Variants in TMEM63A observed in about 807,000 individuals in gnomAD.
TMEM63A encodes mechanosensitive cation channel TMEM63A.
A neutral mutation model predicts 100.6 loss-of-function variants in TMEM63A; 76 were observed. The ratio of observed to expected loss-of-function variants is 0.76; its 90% CI spans 0.63 to 0.91. The LOEUF is 0.91. Ranked by LOEUF, TMEM63A falls within the 40% of genes least tolerant of loss-of-function variation. TMEM63A has a pLI of 0.00. For missense variants in TMEM63A, 876 were observed against 1,008.8 expected, an observed-to-expected ratio of 0.87 and a Z score of 1.78; for synonymous variants, 401 against 401.1, an observed-to-expected ratio of 1.00 and a Z score of 0.00.
chr1:225,872,092 TA>T, intron 4 of TMEM63A, 39 bp from the exon 5 acceptor site: 1 of 1,466,896 alleles, frequency 6.8e-7, no homozygotes. Flanking sequence ...AGATAATTCT[TA>T]GAAAAAAAAA....
In TMEM63A at chr1:225,862,534, A is replaced by G. The variant is rs774943839; in HGVS notation, c.872T>C (p.Val291Ala). ...KSLTYYTNLQVKTGQRTLINP... is the reference protein window; with the variant it reads ...KSLTYYTNLQAKTGQRTLINP... ...GATGAGGGTCCGCTGGCCTGTCTTC[A>G]CCTGCAGGTTTGTGTAATAGGTCAG... The change falls in exon 12 of 25, where the codon GTG becomes GCG. Residue 291 changes from valine (V) to alanine (A), a missense_variant. Physicochemically the swap from Val to Ala is moderately conservative, Grantham distance 64. Transcript: ENST00000366835. This position sits in a 1 kb window ranked among gnomAD's most constrained non-coding sequence, Gnocchi z 5.1. The G allele has an allele frequency of 1.2e-6, 2 of 1,613,746 alleles. No homozygotes were observed. Among genetic ancestry groups the G allele is most frequent in the South Asian group, 2.2e-5 (2 of 91,068 alleles).
intron 20 of TMEM63A, 146 bp downstream of exon 20, chr1:225,852,518 C>A (rs1471221511): frequency 7.3e-6 from 5 of 689,590 alleles, no homozygotes; most frequent in Non-Finnish European, 1.0e-5. Flanking sequence ...AATCTGGTGT[C>A]ACGTGAGTCT....
In TMEM63A at chr1:225,865,798, G is replaced by C; in HGVS notation, c.746+99C>G. Reference sequence around the variant, plus strand: ...AGATCTCACCTGGATACCCAAGCGAGAGACAGAAGGCGCTCACCTAAGGTG... The same window carrying C: ...AGATCTCACCTGGATACCCAAGCGACAGACAGAAGGCGCTCACCTAAGGTG... On this transcript the variant is annotated intron_variant, in intron 10 of 24. Transcript: ENST00000366835. The surrounding 1 kb of genome is among the most constrained non-coding windows in gnomAD (Gnocchi z 4.6). The C allele has an allele frequency of 8.0e-7, 1 of 1,250,818 alleles. No homozygotes were observed. Among genetic ancestry groups the C allele is most frequent in the Non-Finnish European group, 1.1e-6 (1 of 877,138 alleles). The allele number at this position is 1,250,818 out of a possible 1,614,324, so 77.5% of individuals were successfully genotyped here.
chr1:225,867,024 G>T lies in TMEM63A; in HGVS notation c.566+88C>A. ...CTTCAGATACCAGCCGGCCCCCTTT[G>T]GAGTACCTCTGGCCTGCCCCGGGCT... is the stretch of plus-strand genomic sequence containing the variant. On this transcript the variant is annotated intron_variant, in intron 8 of 24. Transcript: ENST00000366835. The surrounding 1 kb of genome is among the most constrained non-coding windows in gnomAD (Gnocchi z 4.6). 3 of 1,399,260 alleles carry T rather than the reference G, an allele frequency of 2.1e-6. No homozygotes were observed. Among genetic ancestry groups the T allele is most frequent in the Non-Finnish European group, 3.0e-6 (3 of 985,234 alleles). The allele number at this position is 1,399,260 out of a possible 1,614,324, so 86.7% of individuals were successfully genotyped here.
chr1:225,865,767 C>G lies in TMEM63A; in HGVS notation c.746+130G>C. ...CATACACGTGTGGCAGGGCCAGGTC[C>G]TTCTCAGATCTCACCTGGATACCCA... On this transcript the variant is annotated intron_variant, in intron 10 of 24. Coordinates refer to ENST00000366835, the MANE Select transcript of TMEM63A (RefSeq NM_014698.3). This position sits in a 1 kb window ranked among gnomAD's most constrained non-coding sequence, Gnocchi z 4.6. 1.1e-6 allele frequency: 1 copy of G among 894,614 alleles called. No homozygotes were observed. The highest frequency in any genetic ancestry group is 1.7e-6 in the Non-Finnish European group (1 of 574,564). The allele number at this position is 894,614 out of a possible 1,614,324, so 55.4% of individuals were successfully genotyped here.
In TMEM63A at chr1:225,848,981, G is replaced by A; in HGVS notation, c.2103C>T (p.Phe701=). 1 of 1,484,350 alleles carries A rather than the reference G, an allele frequency of 6.7e-7. No individual in the cohort carries two copies. The highest frequency in any genetic ancestry group is 1.9e-5 in the Admixed American group (1 of 53,886). The allele number at this position is 1,484,350 out of a possible 1,614,324, so 91.9% of individuals were successfully genotyped here. A position where few individuals can be genotyped will look rare whatever the true frequency, so the allele number is the denominator to read the frequency against. ...CCAGGATGGTGAGCAGCAGCACCAGGAAGGTGAACAGAGTGGCGGGGGCCT... is the reference window on the plus strand; with the variant it reads ...CCAGGATGGTGAGCAGCAGCACCAGAAAGGTGAACAGAGTGGCGGGGGCCT... The part of the protein sequence containing the change: ...GMKAPATLFT[F]LVLLLTILVC... Residue 701 remains phenylalanine (F), a synonymous_variant, in exon 22 of 25, where the codon TTC becomes TTT. Transcript: ENST00000366835.
Position 225,846,905 on chromosome 1 carries a change from T to C in TMEM63A, c.*34A>G, listed in dbSNP as rs889837799. 5 of 1,140,836 alleles carry C rather than the reference T, an allele frequency of 4.4e-6. No homozygotes were observed. Among genetic ancestry groups the C allele is most frequent in the East Asian group, 5.3e-5 (2 of 37,866 alleles). 70.7% of individuals were successfully genotyped at this position (1,140,836 alleles called of 1,614,324 possible). On this transcript the variant is annotated 3_prime_UTR_variant, in exon 25 of 25. Coordinates refer to ENST00000366835, the MANE Select transcript of TMEM63A (RefSeq NM_014698.3). ...CAAGGGCCTGAGCCCCAGGCCATTCTGGTTGTGTCTTTTCAGAGCAGTGAG... is the reference window on the plus strand; with the variant it reads ...CAAGGGCCTGAGCCCCAGGCCATTCCGGTTGTGTCTTTTCAGAGCAGTGAG...
At position 225,862,436 on chromosome 1, in the gene TMEM63A, C is replaced by T. The variant is rs139018601; in HGVS notation, c.951+19G>A. 66 of 1,613,798 alleles carry T rather than the reference C, an allele frequency of 4.1e-5. No individual in the cohort carries two copies. In the East Asian group the frequency reaches 6.2e-4, roughly 15 times the overall value. ...CGATGCCAATGCCTCTGCTCCCAGC[C>T]GGGGGGTGGGACCCTTACCCACTCA... is the stretch of plus-strand genomic sequence containing the variant. On this transcript the variant is annotated intron_variant, in intron 12 of 24. Transcript: ENST00000366835. This position sits in a 1 kb window ranked among gnomAD's most constrained non-coding sequence, Gnocchi z 5.1.
chr1:225,882,130 C>T (rs1226532101), intron 1 of TMEM63A, among the ~76,000 whole-genome samples, 174 bp downstream of exon 1: 1 of 152,228 alleles, frequency 6.6e-6, no homozygotes, highest in African/African-American at 2.4e-5. Flanking sequence ...GGAATGGAGG[C>T]GCTGCCCGGA....
chr1:225,850,472 C>T (rs1669268621), intron 20 of TMEM63A, among the ~76,000 whole-genome samples: 1 of 152,142 alleles, frequency 6.6e-6, no homozygotes, highest in South Asian at 2.1e-4. Context: ...GGGAGTTTAC[C>T]TAAATAGCTT....
At chr1:225,851,188 G>A (rs1383128303) in intron 20 of TMEM63A, among the ~76,000 whole-genome samples, 1 of 152,030 alleles carries the variant, frequency 6.6e-6, no homozygotes, top group African/African-American at 2.4e-5. Flanking sequence ...TTCCCATGCT[G>A]AGCCCCTGTA....
At chr1:225,843,630 T>C (rs1184533086), downstream of TMEM63A, among the ~76,000 whole-genome samples, 1 of 152,154 alleles carries the variant, frequency 6.6e-6, no homozygotes, top group Non-Finnish European at 1.5e-5. Context: ...CTCCTGCAGC[T>C]CTGGCCCCGG....
chr1:225,879,884 G>A (rs1576123475), intron 1 of TMEM63A, among the ~76,000 whole-genome samples: 1 of 152,206 alleles, frequency 6.6e-6, no homozygotes, highest in East Asian at 1.9e-4. Flanking sequence ...ATGTGAAGTG[G>A]AAAGAAAAAA....
At position 225,857,379 on chromosome 1, in the gene TMEM63A, C is replaced by CGGGGGGG. The variant is rs369068747; in HGVS notation, c.1378-363_1378-362insCCCCCCC. 3.5e-5 allele frequency among the ~76,000 whole-genome samples: 4 copies of CGGGGGGG among 112,714 alleles called. 1 individual carries two copies. Among genetic ancestry groups the CGGGGGGG allele is most frequent in the African/African-American group, 1.8e-4 (4 of 22,774 alleles). 73.9% of individuals were successfully genotyped at this position (112,714 alleles called of 152,430 possible). On this transcript the variant is annotated intron_variant, in intron 15 of 24. Coordinates refer to ENST00000366835, the MANE Select transcript of TMEM63A (RefSeq NM_014698.3). ...ACCGAAGGCCTGGAGTCCTGGCCGGCGGGGCGGGGGGGGGGGGGTGCCCTG... is the reference window on the plus strand; with the variant it reads ...ACCGAAGGCCTGGAGTCCTGGCCGGCGGGGGGGGGGGCGGGGGGGGGGGGGTGCCCTG...
chr1:225,849,750 G>C (rs1428012501), intron 21 of TMEM63A, among the ~76,000 whole-genome samples, 162 bp downstream of exon 21: 2 of 152,084 alleles, frequency 1.3e-5, no homozygotes, highest in Admixed American at 1.3e-4. Flanking sequence ...CTCATTCTGG[G>C]TACCACGTTC....
chr1:225,857,613 A>C (rs569862506), intron 15 of TMEM63A, among the ~76,000 whole-genome samples: 173 of 152,302 alleles, frequency 1.1e-3, no homozygotes, highest in African/African-American at 4.1e-3. Context: ...AAAAAAAAAA[A>C]CAAAACGCTG....
At chr1:225,882,199 G>A (rs1196509760) in intron 1 of TMEM63A, 105 bp downstream of exon 1, 3 of 151,528 alleles carry the variant, frequency 2.0e-5, no homozygotes, top group African/African-American at 7.3e-5. Flanking sequence ...GGGGCTCTGG[G>A]GTCTGCGTAG....
chr1:225,844,743 C>T, downstream of TMEM63A: 2 of 1,486,668 alleles, frequency 1.3e-6, no homozygotes, highest in Non-Finnish European at 1.8e-6. Context: ...TGCAGGTGCC[C>T]CAGGGGCCCT....
At position 225,862,472 on chromosome 1, in the gene TMEM63A, C is replaced by G; in HGVS notation, c.934G>C (p.Val312Leu). ...KPCGQFCCCE[V>L]LGCEWEDAIS... Reference sequence around the variant, plus strand: ...ACCCTTACCCACTCACAGCCCAGCACTTCACAGCAGCAAAACTGGCCACAG... The same window carrying G: ...ACCCTTACCCACTCACAGCCCAGCAGTTCACAGCAGCAAAACTGGCCACAG... The change falls in exon 12 of 25, where the codon GTG becomes CTG. Residue 312 changes from valine to leucine, a missense_variant. Coordinates refer to ENST00000366835, the MANE Select transcript of TMEM63A (RefSeq NM_014698.3). The surrounding 1 kb of genome is among the most constrained non-coding windows in gnomAD (Gnocchi z 5.1). 6.2e-7 allele frequency: 1 copy of G among 1,614,214 alleles called. No homozygotes were observed. The highest frequency in any genetic ancestry group is 8.5e-7 in the Non-Finnish European group (1 of 1,180,040).
Sources: allele counts gnomAD v4.1 joint callset (sites outside exome capture counted in the v4.1 genomes callset), GRCh38; gene constraint gnomAD v4.1.1; non-coding constraint Gnocchi (gnomAD v3.1); transcripts MANE v1.5; gene names NCBI Gene and HGNC (gene_info 2026-07-23, HGNC 2026-07-21).